The following DHRS7 variants were observed in gnomAD, a reference collection of about 807,000 sequenced individuals.
DHRS7 encodes dehydrogenase/reductase 7, also known as dehydrogenase/reductase SDR family member 7.
Under a neutral mutation model 38.9 loss-of-function variants are expected in DHRS7, and 34 were observed. That is an observed-to-expected ratio of 0.87 (90% confidence interval 0.66 to 1.16). The LOEUF (loss-of-function observed/expected upper bound fraction) is 1.16. Ranked by LOEUF, DHRS7 falls within the 50% of genes most tolerant of loss-of-function variation. The pLI is 0.00. For synonymous variants in DHRS7, 158 were observed against 153.1 expected (o/e 1.03, Z -0.24); for missense variants, 421 against 407.0 (o/e 1.03, Z -0.30).
chr14:60,152,465 A>G (rs532768644), intron 4 of DHRS7, among the ~76,000 whole-genome samples: 4 of 152,198 alleles, frequency 2.6e-5, no homozygotes, highest in African/African-American at 9.7e-5. Flanking sequence ...ACATGCATAT[A>G]TAATTAGACC....
At chr14:60,157,788 A>T (rs1398207746) in intron 1 of DHRS7, among the ~76,000 whole-genome samples, 1 of 152,214 alleles carries the variant, frequency 6.6e-6, no homozygotes, top group Non-Finnish European at 1.5e-5. Context: ...CAGAGCCGGG[A>T]TATAAGCCCA....
chr14:60,150,189 TA>T lies in DHRS7; in HGVS notation c.634-3del. 8.2e-7 allele frequency: 1 copy of T among 1,215,840 alleles called. No individual in the cohort carries two copies. Among genetic ancestry groups the T allele is most frequent in the South Asian group, 2.7e-5 (1 of 37,646 alleles). The allele number at this position is 1,215,840 out of a possible 1,614,324, so 75.3% of individuals were successfully genotyped here. A position where few individuals can be genotyped will look rare whatever the true frequency, so the allele number is the denominator to read the frequency against. On this transcript the variant is annotated splice_polypyrimidine_tract_variant and splice_region_variant and intron_variant, in intron 4 of 6. Transcript: ENST00000557185. ...TGTTCGAAGGCCATTAAAAAAACCC[TA>T]ACAGACAAAAAAAAAAAAAAAGGAA...
chr14:60,169,146 A>C (rs1595206687), upstream of DHRS7: 4 of 146,496 alleles, frequency 2.7e-5, no homozygotes, highest in Admixed American at 6.7e-5. Flanking sequence ...AAAAAAAAAA[A>C]AAAAAAAAAA....
At position 60,149,606 on chromosome 14, in the gene DHRS7, G is replaced by T. The variant is rs73312144; in HGVS notation, c.757-38C>A. The T allele has an allele frequency of 4.5e-3, 6,712 of 1,504,794 alleles. 259 individuals carry two copies. The East Asian group carries it at 0.086, about 19-fold the overall frequency. 93.2% of individuals were successfully genotyped at this position (1,504,794 alleles called of 1,614,324 possible). ...AAAAATTAAGTGAATTTATCCAAGC[G>T]ATTTCACATAACTTTAAGCTAGAAA... On this transcript the variant is annotated intron_variant, in intron 5 of 6. Coordinates refer to ENST00000557185, the MANE Select transcript of DHRS7 (RefSeq NM_016029.4).
intron 6 of DHRS7, chr14:60,149,148 T>C (rs573624126): frequency 2.8e-4 from 155 of 557,446 alleles, no homozygotes; most frequent in Non-Finnish European, 4.5e-4. Flanking sequence ...ACTTTTTGTA[T>C]TTTTAGTAGA....
Position 60,153,364 on chromosome 14 carries a change from T to C in DHRS7, c.394-186A>G, listed in dbSNP as rs1896590138. On this transcript the variant is annotated intron_variant, in intron 3 of 6. Transcript: ENST00000557185. This position sits in a 1 kb window ranked among gnomAD's most constrained non-coding sequence, Gnocchi z 4.4. ...ATTTACCTGTGGAATTAAATTCCCG[T>C]TTTAGGTGACTTTTTGTGAAAGTTA... 6.6e-6 allele frequency among the ~76,000 whole-genome samples: 1 copy of C among 152,072 alleles called. No individual in the cohort carries two copies. The highest frequency in any genetic ancestry group is 1.5e-5 in the Non-Finnish European group (1 of 68,002).
Position 60,145,288 on chromosome 14 carries a change from T to A in DHRS7, c.973-275A>T. 3.8e-6 allele frequency: 1 copy of A among 262,526 alleles called. No homozygotes were observed. The highest frequency in any genetic ancestry group is 7.2e-5 in the East Asian group (1 of 13,846). The allele number at this position is 262,526 out of a possible 1,614,324, so 16.3% of individuals were successfully genotyped here. A position where few individuals can be genotyped will look rare whatever the true frequency, so the allele number is the denominator to read the frequency against. On this transcript the variant is annotated intron_variant, in intron 6 of 6. Transcript: ENST00000557185. The surrounding 1 kb of genome is among the most constrained non-coding windows in gnomAD (Gnocchi z 4.0). ...ATGCTAAATTCTCTATAATGACTTTTCTGGATCAGCATATCATACCTACAC... is the reference window on the plus strand; with the variant it reads ...ATGCTAAATTCTCTATAATGACTTTACTGGATCAGCATATCATACCTACAC...
upstream of DHRS7, chr14:60,168,899 G>C: frequency 1.0e-6 from 1 of 999,524 alleles, no homozygotes. Context: ...CATTGAAAGT[G>C]GTTAGTCTAA....
chr14:60,158,862 G>C (rs1017695687), intron 1 of DHRS7: 1 of 163,158 alleles, frequency 6.1e-6, no homozygotes, highest in African/African-American at 2.4e-5. Context: ...TCATTCCAGG[G>C]ATCTTTTTTA....
chr14:60,160,948 C>T (rs1411198145), intron 1 of DHRS7, among the ~76,000 whole-genome samples: 1 of 152,168 alleles, frequency 6.6e-6, no homozygotes, highest in Non-Finnish European at 1.5e-5. Flanking sequence ...AGAGTTTGGT[C>T]TCAAGGTATA....
rs1474705433 is a variant in DHRS7 at position 60,153,222 on chromosome 14, G to A, written c.394-44C>T. The stretch of plus-strand genomic sequence containing the variant: ...AAAAGGGGTGTTTGGGGGATGTCTT[G>A]TGGATAGATTGATGGAATTCCTATG... On this transcript the variant is annotated intron_variant, in intron 3 of 6. Coordinates refer to ENST00000557185, the MANE Select transcript of DHRS7 (RefSeq NM_016029.4). The surrounding 1 kb of genome is among the most constrained non-coding windows in gnomAD (Gnocchi z 4.4). 1.2e-6 allele frequency: 2 copies of A among 1,606,962 alleles called. No homozygotes were observed. The highest frequency in any genetic ancestry group is 1.7e-5 in the Admixed American group (1 of 59,690).
chr14:60,149,003 C>T (rs971151786), intron 6 of DHRS7: 5 of 215,934 alleles, frequency 2.3e-5, no homozygotes, highest in Non-Finnish European at 3.7e-5. Context: ...AATAGAGTCT[C>T]GCTCTATCAC....
At chr14:60,152,791 A>G in intron 4 of DHRS7, 148 bp downstream of exon 4, 1 of 755,536 alleles carries the variant, frequency 1.3e-6, no homozygotes, top group Non-Finnish European at 2.1e-6. Context: ...TTTAGCATCT[A>G]CTGGGGGTGT....
chr14:60,166,670 C>G (rs1184007985), upstream of DHRS7, among the ~76,000 whole-genome samples: 6 of 152,112 alleles, frequency 3.9e-5, no homozygotes, highest in Non-Finnish European at 5.9e-5. Flanking sequence ...CTCTAAAAAG[C>G]TTTTTGGGGT....
At position 60,151,325 on chromosome 14, in the gene DHRS7, A is replaced by G. The variant is rs527239682; in HGVS notation, c.634-1138T>C. On this transcript the variant is annotated intron_variant, in intron 4 of 6. Coordinates refer to ENST00000557185, the MANE Select transcript of DHRS7 (RefSeq NM_016029.4). ...AGTAAACAGAAATCTACTGCCTCTC[A>G]TCTCTTCCTAAATTAGGAAATGTTC... Among the ~76,000 whole-genome samples, 19 of 152,314 alleles carry G rather than the reference A, an allele frequency of 1.2e-4. 1 individual carries two copies. The highest frequency in any genetic ancestry group is 8.5e-4 in the Admixed American group (13 of 15,300).
upstream of DHRS7, chr14:60,168,815 ACTC>A: frequency 6.7e-7 from 1 of 1,502,726 alleles, no homozygotes. Flanking sequence ...ACATGCTGAC[ACTC>A]CTCATAATTT....
intron 1 of DHRS7, among the ~76,000 whole-genome samples, chr14:60,156,559 T>G (rs1055514918): frequency 6.6e-6 from 1 of 152,354 alleles, no homozygotes. Flanking sequence ...AGCCATTAAA[T>G]GAGGCATTCA....
chr14:60,145,095 G>A lies in DHRS7; in HGVS notation c.973-82C>T. On this transcript the variant is annotated intron_variant, in intron 6 of 6. Transcript: ENST00000557185. The surrounding 1 kb of genome is among the most constrained non-coding windows in gnomAD (Gnocchi z 4.0). Reference sequence around the variant, plus strand: ...TAACATTTAAGTCCTTCTGTTTTGAGGAGCTGTATCATTATGATTCACTAT... The same window carrying A: ...TAACATTTAAGTCCTTCTGTTTTGAAGAGCTGTATCATTATGATTCACTAT... The A allele has an allele frequency of 1.1e-6, 1 of 924,236 alleles. No individual in the cohort carries two copies. The highest frequency in any genetic ancestry group is 1.6e-6 in the Non-Finnish European group (1 of 637,894). The allele number at this position is 924,236 out of a possible 1,614,324, so 57.3% of individuals were successfully genotyped here. A position where few individuals can be genotyped will look rare whatever the true frequency, so the allele number is the denominator to read the frequency against.
At position 60,150,120 on chromosome 14, in the gene DHRS7, G is replaced by A. The variant is rs1304848763; in HGVS notation, c.701C>T (p.Pro234Leu). The change falls in exon 5 of 7, where the codon CCA becomes CTA. Residue 234 changes from proline to leucine, a missense_variant. Transcript: ENST00000557185. ...YPGIIVSNIC[P>L]GPVQSNIVEN... Reference sequence around the variant, plus strand: ...CACAATATTTGATTGCACAGGTCCTGGGCAAATGTTAGAAACTATTATACC... The same window carrying A: ...CACAATATTTGATTGCACAGGTCCTAGGCAAATGTTAGAAACTATTATACC... The A allele has an allele frequency of 6.2e-7, 1 of 1,607,922 alleles. No homozygotes were observed. Among genetic ancestry groups the A allele is most frequent in the East Asian group, 2.2e-5 (1 of 44,576 alleles).
Sources: gnomAD v4.1 joint callset for allele counts (sites outside exome capture counted in the v4.1 genomes callset) on GRCh38, gnomAD v4.1.1 for gene constraint, Gnocchi (gnomAD v3.1) non-coding constraint, MANE v1.5 for transcripts, NCBI Gene and HGNC (gene_info 2026-07-23, HGNC 2026-07-21) for gene names.